LRRC4C: variants seen among roughly 807,000 people sequenced by gnomAD.
LRRC4C encodes leucine-rich repeat-containing protein 4C.
In LRRC4C, 5 loss-of-function variants were observed where a neutral mutation model predicts 33.6. The ratio of observed to expected loss-of-function variants is 0.15; its 90% CI spans 0.08 to 0.31. The LOEUF is 0.31. LRRC4C is among the 10% of genes least tolerant of loss of function. The pLI is 1.00. For missense variants in LRRC4C, 560 were observed against 796.7 expected, an observed-to-expected ratio of 0.70 and a Z score of 3.58; for synonymous variants, 329 against 302.0, an observed-to-expected ratio of 1.09 and a Z score of -0.93.
At chr11:41,330,584 C>T (rs985602542) in intron 1 of LRRC4C, among the ~76,000 whole-genome samples, 1 of 151,990 alleles carries the variant, frequency 6.6e-6, no homozygotes, top group African/African-American at 2.4e-5. Flanking sequence ...TTTTCTTCTT[C>T]CTTTGAGACA....
chr11:40,267,183 C>T (rs894295618), intron 4 of LRRC4C, among the ~76,000 whole-genome samples: 5 of 152,066 alleles, frequency 3.3e-5, no homozygotes, highest in African/African-American at 1.2e-4. Context: ...TTTCAAACTT[C>T]ATTTACATCC....
At chr11:41,071,023 C>T (rs538835039) in intron 1 of LRRC4C, among the ~76,000 whole-genome samples, 1 of 151,952 alleles carries the variant, frequency 6.6e-6, no homozygotes, top group Non-Finnish European at 1.5e-5. Flanking sequence ...CAATGTTAGA[C>T]CAGATAAAGA....
At chr11:40,500,637 C>T (rs1330939607) in intron 3 of LRRC4C, among the ~76,000 whole-genome samples, 1 of 152,064 alleles carries the variant, frequency 6.6e-6, no homozygotes, top group African/African-American at 2.4e-5. Flanking sequence ...TTCAGTACCA[C>T]AGGTACAGTA....
chr11:40,217,974 C>T (rs1022283720), intron 5 of LRRC4C, among the ~76,000 whole-genome samples: 2 of 151,954 alleles, frequency 1.3e-5, no homozygotes, highest in Admixed American at 1.3e-4. Flanking sequence ...CAATCAGATT[C>T]GTTTTAAAAA....
intron 3 of LRRC4C, among the ~76,000 whole-genome samples, chr11:40,384,508 AAC>A (rs773627856): frequency 6.6e-6 from 1 of 152,162 alleles, no homozygotes; most frequent in Non-Finnish European, 1.5e-5. Context: ...TCATGTACCT[AAC>A]ATATAGCAGA....
At chr11:40,896,539 TA>T (rs1015061246) in intron 2 of LRRC4C, among the ~76,000 whole-genome samples, 57 of 75,890 alleles carry the variant, frequency 7.5e-4, no homozygotes, top group African/African-American at 1.5e-3. Context: ...ACAATTAGAA[TA>T]TTTTTTTTTT....
At chr11:41,117,059 G>C (rs1022769553) in intron 1 of LRRC4C, among the ~76,000 whole-genome samples, 7 of 152,092 alleles carry the variant, frequency 4.6e-5, no homozygotes, top group Non-Finnish European at 1.0e-4. Context: ...AGGAACACTG[G>C]AACACTGGCA....
intron 1 of LRRC4C, among the ~76,000 whole-genome samples, chr11:41,372,864 T>C (rs1952804370): frequency 6.6e-6 from 1 of 151,606 alleles, no homozygotes; most frequent in Non-Finnish European, 1.5e-5. Context: ...TAAATCTCCC[T>C]AATTTTTTTA....
At chr11:40,245,405 A>G (rs1866252005) in intron 4 of LRRC4C, among the ~76,000 whole-genome samples, 1 of 152,220 alleles carries the variant, frequency 6.6e-6, no homozygotes. Context: ...GTGTTTTGCC[A>G]AAGAGGCACT....
intron 1 of LRRC4C, among the ~76,000 whole-genome samples, chr11:41,274,087 T>C (rs187776660): frequency 1.3e-5 from 2 of 152,052 alleles, no homozygotes; most frequent in Admixed American, 1.3e-4. Context: ...GAGGCATGCA[T>C]GGCATGTCAG....
intron 1 of LRRC4C, among the ~76,000 whole-genome samples, chr11:41,405,624 A>C (rs546640652): frequency 6.6e-6 from 1 of 152,210 alleles, no homozygotes; most frequent in Non-Finnish European, 1.5e-5. Flanking sequence ...ACATTCCCCT[A>C]CAGGGGTGCT....
chr11:41,236,813 G>T (rs747337327), intron 1 of LRRC4C, among the ~76,000 whole-genome samples: 1 of 152,156 alleles, frequency 6.6e-6, no homozygotes, highest in Non-Finnish European at 1.5e-5. Context: ...ATAAGTTAAA[G>T]AATGTAGAAG....
chr11:40,374,436 A>G (rs898155101), intron 3 of LRRC4C, among the ~76,000 whole-genome samples: 1 of 152,198 alleles, frequency 6.6e-6, no homozygotes, highest in African/African-American at 2.4e-5. Context: ...AATGGTATTT[A>G]TAATTTCTTA....
chr11:40,377,361 T>C (rs1948700524), intron 3 of LRRC4C, among the ~76,000 whole-genome samples: 1 of 152,062 alleles, frequency 6.6e-6, no homozygotes, highest in Admixed American at 6.6e-5. Context: ...ATGAAGAAAA[T>C]GATTATTAGC....
intron 2 of LRRC4C, among the ~76,000 whole-genome samples, chr11:40,688,297 T>C (rs1945057494): frequency 1.3e-5 from 2 of 152,132 alleles, no homozygotes; most frequent in Non-Finnish European, 2.9e-5. Flanking sequence ...CAGGACTGTT[T>C]CAAGATCCTC....
At chr11:40,733,156 A>T (rs1259179605) in intron 2 of LRRC4C, among the ~76,000 whole-genome samples, 1 of 130,124 alleles carries the variant, frequency 7.7e-6, no homozygotes, top group Non-Finnish European at 1.5e-5. Flanking sequence ...GCTCACTGCA[A>T]GCTCCGCCTC....
At chr11:40,876,850 C>G (rs1265290954) in intron 2 of LRRC4C, among the ~76,000 whole-genome samples, 1 of 148,190 alleles carries the variant, frequency 6.7e-6, no homozygotes, top group Non-Finnish European at 1.5e-5. Flanking sequence ...TTGTAGTGAG[C>G]CAGGATTGCG....
At chr11:41,254,720 A>T (rs918996307) in intron 1 of LRRC4C, among the ~76,000 whole-genome samples, 11 of 152,072 alleles carry the variant, frequency 7.2e-5, no homozygotes, top group African/African-American at 2.7e-4. Context: ...GAAACTTGCT[A>T]GAGAAAGCAC....
intron 1 of LRRC4C, among the ~76,000 whole-genome samples, chr11:41,088,826 C>A (rs1940193424): frequency 6.6e-6 from 1 of 151,944 alleles, no homozygotes; most frequent in Non-Finnish European, 1.5e-5. Flanking sequence ...TGGAGATTAC[C>A]TCCAATACTA....
Sources: allele counts gnomAD v4.1 joint callset (sites outside exome capture counted in the v4.1 genomes callset), GRCh38; gene constraint gnomAD v4.1.1; transcripts MANE v1.5; gene names NCBI Gene and HGNC (gene_info 2026-07-23, HGNC 2026-07-21).